The following MED23 variants were observed in gnomAD, a reference collection of about 807,000 sequenced individuals.
MED23 encodes the protein mediator complex subunit 23, also known as mediator of RNA polymerase II transcription subunit 23.
Under a neutral mutation model 163.9 loss-of-function variants are expected in MED23, and 105 were observed. The observed-to-expected ratio is 0.64, with a 90% CI of 0.55 to 0.75. The LOEUF is 0.75. Among genes scored for constraint, MED23 ranks in the 30% least tolerant of loss-of-function variants. The pLI is 0.00. For missense variants in MED23, 1,054 were observed against 1,649.0 expected (o/e 0.64, Z 6.25); for synonymous variants, 561 against 565.6 (o/e 0.99, Z 0.12).
Position 131,591,549 on chromosome 6 carries a change from A to C in MED23, c.3472-22T>G, listed in dbSNP as rs142717498. On this transcript the variant is annotated intron_variant, in intron 25 of 28. Transcript: ENST00000368068. ...GCTCCTTTAAAATCGGAGGAAAGCTAGTGAAAAATATCACTTATCCAGCAT... is the reference window on the plus strand; with the variant it reads ...GCTCCTTTAAAATCGGAGGAAAGCTCGTGAAAAATATCACTTATCCAGCAT... 14 of 1,544,402 alleles carry C rather than the reference A, an allele frequency of 9.1e-6. No homozygotes were observed. The East Asian group carries it at 3.1e-4, about 35-fold the overall frequency.
At chr6:131,603,788 A>G (rs1039994795) in intron 15 of MED23, among the ~76,000 whole-genome samples, 2 of 152,220 alleles carry the variant, frequency 1.3e-5, no homozygotes, top group Admixed American at 1.3e-4. Flanking sequence ...TCTGCAAGGT[A>G]GGAAAATTCC....
chr6:131,592,272 A>G, intron 25 of MED23, 116 bp downstream of exon 25: 2 of 875,422 alleles, frequency 2.3e-6, no homozygotes, highest in Non-Finnish European at 3.8e-6. Flanking sequence ...AAAATACTTC[A>G]TTAATTTGCA....
chr6:131,627,922 A>G, intron 1 of MED23, 89 bp downstream of exon 1: 2 of 1,510,792 alleles, frequency 1.3e-6, no homozygotes, highest in Non-Finnish European at 1.8e-6. Context: ...GCGTGAGAGG[A>G]GGTTGCCCAG....
intron 4 of MED23, among the ~76,000 whole-genome samples, chr6:131,624,179 C>G (rs1182189623): frequency 6.6e-6 from 1 of 152,074 alleles, no homozygotes; most frequent in Non-Finnish European, 1.5e-5. Flanking sequence ...GACATTTCTC[C>G]CAAGGAGAGG....
At chr6:131,577,320 A>G (rs930702457) in intron 30 of MED23, among the ~76,000 whole-genome samples, 10 of 152,194 alleles carry the variant, frequency 6.6e-5, no homozygotes, top group African/African-American at 1.2e-4. Flanking sequence ...TGCAAATGAT[A>G]CAGCCACTTT....
At chr6:131,626,122 CAAA>C (rs138561737) in intron 3 of MED23, among the ~76,000 whole-genome samples, 2 of 59,684 alleles carry the variant, frequency 3.4e-5, no homozygotes, top group Non-Finnish European at 3.9e-5. Context: ...ACTCTGTCTC[CAAA>C]AAAAAAAAAA....
downstream of MED23, chr6:131,582,775 CT>C: frequency 1.5e-6 from 2 of 1,364,068 alleles, no homozygotes; most frequent in Non-Finnish European, 2.1e-6. Flanking sequence ...GCTAGATATG[CT>C]TTACTGACCA....
At chr6:131,607,712 G>A (rs1775963395) in intron 12 of MED23, among the ~76,000 whole-genome samples, 1 of 152,086 alleles carries the variant, frequency 6.6e-6, no homozygotes, top group Admixed American at 6.5e-5. Context: ...ACTGTTATCT[G>A]GCCATTCAAT....
intron 3 of MED23, among the ~76,000 whole-genome samples, chr6:131,625,978 C>T (rs1287935662): frequency 7.3e-5 from 11 of 151,408 alleles, no homozygotes; most frequent in Admixed American, 2.0e-4. Context: ...AAAAATGAGC[C>T]GGGCGTGATA....
At chr6:131,596,211 T>G in intron 21 of MED23, 48 bp from the exon 22 acceptor site, 2 of 1,543,474 alleles carry the variant, frequency 1.3e-6, no homozygotes, top group Non-Finnish European at 1.8e-6. Flanking sequence ...TTTTAAAAAA[T>G]TCTCTTAAAA....
intron 30 of MED23, among the ~76,000 whole-genome samples, chr6:131,576,145 T>C (rs529047462): frequency 6.6e-6 from 1 of 152,332 alleles, no homozygotes; most frequent in African/African-American, 2.4e-5. Context: ...ACACACCCTG[T>C]CCCCAACAGT....
At chr6:131,597,551 ATTT>A (rs1775158319) in intron 20 of MED23, among the ~76,000 whole-genome samples, 1 of 151,772 alleles carries the variant, frequency 6.6e-6, no homozygotes, top group African/African-American at 2.4e-5. Context: ...AGAAAAAAAC[ATTT>A]GGGGAATGTT....
intron 11 of MED23, among the ~76,000 whole-genome samples, chr6:131,608,503 T>C (rs1020927523): frequency 3.3e-5 from 5 of 152,120 alleles, no homozygotes; most frequent in African/African-American, 1.2e-4. Context: ...GAAATTGTCA[T>C]GGACTGGTTG....
At chr6:131,605,835 T>A (rs1371559523) in intron 13 of MED23, among the ~76,000 whole-genome samples, 2 of 152,162 alleles carry the variant, frequency 1.3e-5, no homozygotes, top group Non-Finnish European at 2.9e-5. Flanking sequence ...ATGTCTTCAT[T>A]ACAGATACCA....
At chr6:131,588,312 T>C (rs899376647) in intron 28 of MED23, among the ~76,000 whole-genome samples, 1 of 152,192 alleles carries the variant, frequency 6.6e-6, no homozygotes, top group African/African-American at 2.4e-5. Context: ...TATAAAACTA[T>C]TTTGGTTTTG....
At chr6:131,592,535 T>G (rs1216174164) in intron 24 of MED23, 75 bp from the exon 25 acceptor site, 1 of 1,249,788 alleles carries the variant, frequency 8.0e-7, no homozygotes, top group African/African-American at 1.5e-5. Flanking sequence ...ATCTTATTTT[T>G]AAAGAATATG....
At chr6:131,599,016 C>G (rs1775272697) in intron 18 of MED23, among the ~76,000 whole-genome samples, 1 of 152,188 alleles carries the variant, frequency 6.6e-6, no homozygotes, top group African/African-American at 2.4e-5. Flanking sequence ...CTTCAATCAT[C>G]TGTTGATACT....
In MED23 at chr6:131,598,813, G is replaced by T; in HGVS notation, c.2221-52C>A. 1 of 1,536,818 alleles carries T rather than the reference G, an allele frequency of 6.5e-7. No individual in the cohort carries two copies. Among genetic ancestry groups the T allele is most frequent in the Non-Finnish European group, 9.0e-7 (1 of 1,110,744 alleles). On this transcript the variant is annotated intron_variant, in intron 18 of 28. Coordinates refer to ENST00000368068, the MANE Select transcript of MED23 (RefSeq NM_004830.4). This position sits in a 1 kb window ranked among gnomAD's most constrained non-coding sequence, Gnocchi z 4.7. Reference sequence around the variant, plus strand: ...CATTGGTTATAGTAGAAAGAGCACTGGATATGGAGTTAATAAACCAGTTCT... The same window carrying T: ...CATTGGTTATAGTAGAAAGAGCACTTGATATGGAGTTAATAAACCAGTTCT...
In MED23 at chr6:131,620,407, T is replaced by G. The variant is rs1735671853; in HGVS notation, c.597+221A>C. On this transcript the variant is annotated intron_variant, in intron 7 of 28. Coordinates refer to ENST00000368068, the MANE Select transcript of MED23 (RefSeq NM_004830.4). Reference sequence around the variant, plus strand: ...TTTCAAGTAATCCTCCCACCTCAGCTCCTGAGTAGCTGGGGCTATAGGCAT... The same window carrying G: ...TTTCAAGTAATCCTCCCACCTCAGCGCCTGAGTAGCTGGGGCTATAGGCAT... Among the ~76,000 whole-genome samples the G allele has an allele frequency of 2.6e-5, 4 of 152,194 alleles. No homozygotes were observed. The South Asian group carries it at 8.3e-4, about 32-fold the overall frequency.
Sources: gnomAD v4.1 joint callset for allele counts (sites outside exome capture counted in the v4.1 genomes callset) on GRCh38, gnomAD v4.1.1 for gene constraint, Gnocchi (gnomAD v3.1) non-coding constraint, MANE v1.5 for transcripts, NCBI Gene and HGNC (gene_info 2026-07-23, HGNC 2026-07-21) for gene names.